RACGAP1: variants seen among roughly 807,000 people sequenced by gnomAD.
RACGAP1 encodes Rac GTPase activating protein 1, also known as rac GTPase-activating protein 1.
A neutral mutation model predicts 78.1 loss-of-function variants in RACGAP1; 30 were observed. That is an observed-to-expected ratio of 0.38 (90% CI 0.29 to 0.52). RACGAP1 has a LOEUF of 0.52. Among genes scored for constraint, RACGAP1 ranks in the 20% least tolerant of loss-of-function variants. The probability of loss-of-function intolerance (pLI) is 0.82; values close to 1 mark genes in which losing one functional copy is unlikely to be tolerated. For synonymous variants in RACGAP1, 231 were observed against 264.8 expected, an observed-to-expected ratio of 0.87 and a Z score of 1.24; for missense variants, 587 against 777.1, an observed-to-expected ratio of 0.76 and a Z score of 2.91.
chr12:49,996,628 T>TAAAAAAAAAAAAAAAAAAAAAAA (rs57512055), intron 10 of RACGAP1, among the ~76,000 whole-genome samples: 1 of 18,996 alleles, frequency 5.3e-5, no homozygotes, highest in African/African-American at 2.3e-4. Flanking sequence ...GCAATAGAGC[T>TAAAAAAAAAAAAAAAAAAAAAAA]AAAAAAAAAA....
Position 50,002,257 on chromosome 12 carries a change from C to G in RACGAP1, c.539G>C (p.Arg180Thr). The change falls in exon 6 of 17, where the codon AGA (arginine) becomes ACA (threonine). Residue 180 changes from arginine (R) to threonine (T), a missense_variant. Physicochemically the swap from Arg to Thr is moderately conservative, Grantham distance 71. Coordinates refer to ENST00000312377, the MANE Select transcript of RACGAP1 (RefSeq NM_001319999.2). ...ACAAATCATACATACCCTCTTTTCT[C>G]TCTTCTTCAGTTTGAAAGTCTTCAC... ...SLVKTFKLKKREKRRSTSRQF... is the reference protein window; with the variant it reads ...SLVKTFKLKKTEKRRSTSRQF... 1 of 1,613,234 alleles carries G rather than the reference C, an allele frequency of 6.2e-7. No homozygotes were observed. Among genetic ancestry groups the G allele is most frequent in the Non-Finnish European group, 8.5e-7 (1 of 1,179,440 alleles).
Position 49,992,001 on chromosome 12 carries a change from T to C in RACGAP1, c.1711A>G (p.Lys571Glu), listed in dbSNP as rs751479798. The C allele has an allele frequency of 8.1e-6, 13 of 1,613,760 alleles. No homozygotes were observed. The South Asian group carries it at 1.1e-4, about 14-fold the overall frequency. Reference protein sequence around the residue: ...AFSTPQTPDIKVSLLGPVTTP... With the variant: ...AFSTPQTPDIEVSLLGPVTTP... ...AGAAGCACATCTTGGGCCTTACCTT[T>C]AATATCTGGTGTCTGTGGTGTTGAA... Residue 571 changes from lysine to glutamate, a missense_variant, in exon 15 of 17, where the codon AAA (lysine) becomes GAA (glutamate). Transcript: ENST00000312377.
At chr12:50,015,290 A>C (rs1263466467) in intron 2 of RACGAP1, among the ~76,000 whole-genome samples, 1 of 152,138 alleles carries the variant, frequency 6.6e-6, no homozygotes, top group Admixed American at 6.6e-5. Context: ...TACAGGTGCA[A>C]ACCACCAAAC....
chr12:50,006,335 T>C, intron 3 of RACGAP1, 99 bp downstream of exon 3: 6 of 1,320,114 alleles, frequency 4.5e-6, no homozygotes, highest in Non-Finnish European at 6.5e-6. Context: ...TTCTTTAATG[T>C]GGAAGAAGAA....
intron 3 of RACGAP1, 78 bp from the exon 4 acceptor site, chr12:50,005,470 C>T: frequency 2.6e-6 from 4 of 1,535,680 alleles, no homozygotes; most frequent in Non-Finnish European, 3.5e-6. Context: ...GACAGGCAGA[C>T]CAGAAGACAT....
At chr12:49,997,638 G>A (rs1948390819) in intron 9 of RACGAP1, among the ~76,000 whole-genome samples, 1 of 148,298 alleles carries the variant, frequency 6.7e-6, no homozygotes. Context: ...CAATGGCGTG[G>A]TAGAGGTTGG....
At chr12:50,030,348 CAAA>C (rs58620170), upstream of RACGAP1, among the ~76,000 whole-genome samples, 138 of 82,562 alleles carry the variant, frequency 1.7e-3, no homozygotes, top group African/African-American at 3.0e-3. Flanking sequence ...GACCTTGTCT[CAAA>C]AAAAAAAAAA....
chr12:50,007,655 A>G (rs745802037), intron 2 of RACGAP1, among the ~76,000 whole-genome samples: 1 of 152,244 alleles, frequency 6.6e-6, no homozygotes, highest in African/African-American at 2.4e-5. Context: ...AACAATACAT[A>G]GTCCTTTTTA....
intron 2 of RACGAP1, among the ~76,000 whole-genome samples, chr12:50,009,791 G>T (rs1230849766): frequency 6.6e-6 from 1 of 152,170 alleles, no homozygotes; most frequent in Non-Finnish European, 1.5e-5. Context: ...AGGCATTCCT[G>T]CCTTCTCACT....
intron 2 of RACGAP1, among the ~76,000 whole-genome samples, chr12:50,012,569 TA>T (rs566123954): frequency 6.7e-6 from 1 of 149,010 alleles, no homozygotes; most frequent in Non-Finnish European, 1.5e-5. Flanking sequence ...CTCAAAAAAA[TA>T]AAAAAAATAA....
chr12:50,008,387 C>T (rs1417597973), intron 2 of RACGAP1, among the ~76,000 whole-genome samples: 8 of 150,562 alleles, frequency 5.3e-5, no homozygotes, highest in East Asian at 1.9e-4. Flanking sequence ...GTAGTAGAGA[C>T]GGGGTTTCAC....
At chr12:49,992,707 C>T (rs757999818) in intron 12 of RACGAP1, 52 bp from the exon 13 acceptor site, 67 of 1,446,806 alleles carry the variant, frequency 4.6e-5, no homozygotes, top group East Asian at 3.4e-4. Context: ...CCCTTGACAG[C>T]GGGCTTCCAA....
intron 2 of RACGAP1, 40 bp from the exon 3 acceptor site, chr12:50,006,676 C>G: frequency 6.4e-7 from 1 of 1,571,612 alleles, no homozygotes; most frequent in African/African-American, 1.3e-5. Flanking sequence ...AAGCACCAAA[C>G]AGAGTATAAC....
chr12:50,020,123 T>A (rs1949923578), intron 1 of RACGAP1, among the ~76,000 whole-genome samples: 1 of 152,226 alleles, frequency 6.6e-6, no homozygotes, highest in African/African-American at 2.4e-5. Context: ...TACTAGGTGC[T>A]TTGAAATGAT....
intron 1 of RACGAP1, among the ~76,000 whole-genome samples, chr12:50,020,421 CA>C (rs1443730117): frequency 1.3e-5 from 2 of 151,874 alleles, no homozygotes; most frequent in African/African-American, 4.8e-5. Flanking sequence ...TGACCTCTAG[CA>C]ATCTGCTTGC....
At chr12:49,999,806 G>T in intron 7 of RACGAP1, 73 bp from the exon 8 acceptor site, 1 of 1,248,412 alleles carries the variant, frequency 8.0e-7, no homozygotes, top group Non-Finnish European at 1.2e-6. Flanking sequence ...GTATTTTGGA[G>T]CAGGTAAAAA....
At chr12:50,018,441 T>C (rs760254552) in intron 1 of RACGAP1, 48 of 939,136 alleles carry the variant, frequency 5.1e-5, no homozygotes, top group Non-Finnish European at 6.1e-5. Flanking sequence ...AAGGATAGCA[T>C]TAAAACCGGC....
At chr12:49,998,009 GAAACAGAAGC>G (rs1429959851) in intron 9 of RACGAP1, among the ~76,000 whole-genome samples, 1 of 152,204 alleles carries the variant, frequency 6.6e-6, no homozygotes. Flanking sequence ...TTAAGATGAG[GAAACAGAAGC>G]AAAGAGAGTT....
chr12:49,995,084 C>T (rs1948163751), intron 10 of RACGAP1, among the ~76,000 whole-genome samples: 1 of 152,082 alleles, frequency 6.6e-6, no homozygotes, highest in South Asian at 2.1e-4. Context: ...TGCGGTAGCT[C>T]ACGCCTGTAA....
Sources: allele counts gnomAD v4.1 joint callset (sites outside exome capture counted in the v4.1 genomes callset), GRCh38; gene constraint gnomAD v4.1.1; transcripts MANE v1.5; gene names NCBI Gene and HGNC (gene_info 2026-07-23, HGNC 2026-07-21).